The following KNTC1 variants were observed in gnomAD, a reference collection of about 807,000 sequenced individuals.
KNTC1 encodes the protein kinetochore associated 1.
KNTC1 carries 253 observed loss-of-function variants against 314.4 expected under a neutral mutation model. The ratio of observed to expected loss-of-function variants is 0.80; its 90% CI spans 0.73 to 0.89. KNTC1 has a LOEUF of 0.89. Among genes scored for constraint, KNTC1 ranks in the 40% least tolerant of loss-of-function variants. The pLI is 0.00. For missense variants in KNTC1, 2,475 were observed against 2,572.9 expected (o/e 0.96, Z 0.82); for synonymous variants, 901 against 901.4 (o/e 1.00, Z 0.01).
intron 44 of KNTC1, among the ~76,000 whole-genome samples, chr12:122,600,096 T>C (rs1036006628): frequency 1.3e-5 from 2 of 152,014 alleles, no homozygotes; most frequent in East Asian, 1.9e-4. Flanking sequence ...TTTGTTTTTG[T>C]TTTTGTTGTT....
chr12:122,557,761 C>T (rs1471710930), intron 18 of KNTC1, 72 bp downstream of exon 18: 5 of 1,032,782 alleles, frequency 4.8e-6, no homozygotes, highest in Non-Finnish European at 7.3e-6. Flanking sequence ...ATAATCCTGC[C>T]TCAAATATAT....
In KNTC1 at chr12:122,532,920, A is replaced by G. The variant is rs1299621187; in HGVS notation, c.130-1744A>G. The stretch of plus-strand genomic sequence containing the variant: ...GCAGTTTAAGGAGCATTTCCTTAAG[A>G]AACTATGTGTGAGCCCGGTGTGGTG... On this transcript the variant is annotated intron_variant, in intron 2 of 63. Coordinates refer to ENST00000333479, the MANE Select transcript of KNTC1 (RefSeq NM_014708.6). 2.0e-5 allele frequency among the ~76,000 whole-genome samples: 3 copies of G among 152,194 alleles called. No individual in the cohort carries two copies. In the South Asian group the frequency reaches 6.2e-4, roughly 32 times the overall value.
At chr12:122,609,016 G>A (rs190688755) in intron 51 of KNTC1, among the ~76,000 whole-genome samples, 1 of 152,228 alleles carries the variant, frequency 6.6e-6, no homozygotes, top group East Asian at 1.9e-4. Context: ...CCGTGGTTGT[G>A]CCACTGTACT....
At chr12:122,543,687 T>C in intron 7 of KNTC1, 53 bp downstream of exon 7, 1 of 1,059,158 alleles carries the variant, frequency 9.4e-7, no homozygotes, top group Non-Finnish European at 1.4e-6. Flanking sequence ...TTAATATTAA[T>C]GTAGTAGAAT....
chr12:122,557,645 A>C lies in KNTC1; in HGVS notation c.1444A>C (p.Thr482Pro). The C allele has an allele frequency of 6.2e-7, 1 of 1,613,488 alleles. No homozygotes were observed. Among genetic ancestry groups the C allele is most frequent in the South Asian group, 1.1e-5 (1 of 90,988 alleles). The change falls in exon 18 of 64, where the codon ACC becomes CCC. Residue 482 changes from threonine (T) to proline (P), a missense_variant. Physicochemically the swap from Thr to Pro is conservative, Grantham distance 38. Transcript: ENST00000333479. ...VNYCLKAQWI[T>P]YETTQEMLNY... ...TTACTGCCTGAAAGCTCAGTGGATA[A>C]CCTATGAAACCACTCAAGAGATGCT...
intron 62 of KNTC1, 69 bp downstream of exon 62, chr12:122,622,676 C>T (rs1874569300): frequency 3.2e-6 from 4 of 1,258,518 alleles, no homozygotes; most frequent in African/African-American, 3.1e-5. Context: ...AAGCTGGGCA[C>T]GATGGCTCAC....
intron 24 of KNTC1, among the ~76,000 whole-genome samples, chr12:122,571,826 C>T (rs149194967): frequency 9.5e-4 from 144 of 152,024 alleles, no homozygotes; most frequent in African/African-American, 3.4e-3. Context: ...CCCCCCACCA[C>T]GCCTGGCTAA....
intron 59 of KNTC1, 153 bp from the exon 60 acceptor site, chr12:122,620,326 G>A (rs1874287973): frequency 1.7e-6 from 1 of 596,584 alleles, no homozygotes; most frequent in Non-Finnish European, 2.9e-6. Flanking sequence ...AAAGACTTGT[G>A]TTACTCATTC....
At chr12:122,598,090 T>G (rs1168330681) in intron 44 of KNTC1, among the ~76,000 whole-genome samples, 152 bp downstream of exon 44, 1 of 152,246 alleles carries the variant, frequency 6.6e-6, no homozygotes, top group African/African-American at 2.4e-5. Context: ...TTTAACACAG[T>G]TAAATACAAT....
Position 122,589,776 on chromosome 12 carries a change from A to ATTTTTT in KNTC1, c.4000-811_4000-806dup, listed in dbSNP as rs375169727. Among the ~76,000 whole-genome samples the ATTTTTT allele has an allele frequency of 6.6e-4, 62 of 94,584 alleles. 2 individuals carry two copies. Among genetic ancestry groups the ATTTTTT allele is most frequent in the Non-Finnish European group, 8.5e-4 (43 of 50,852 alleles). The allele number at this position is 94,584 out of a possible 152,430, so 62.1% of individuals were successfully genotyped here. A position where few individuals can be genotyped will look rare whatever the true frequency, so the allele number is the denominator to read the frequency against. On this transcript the variant is annotated intron_variant, in intron 40 of 63. Transcript: ENST00000333479. ...CATGATATTGTGCCCGGGCCCCCCAATTTTTTTTTTTTTTTTTTTTTTTTT... is the reference window on the plus strand; with the variant it reads ...CATGATATTGTGCCCGGGCCCCCCAATTTTTTTTTTTTTTTTTTTTTTTTTTTTTTT...
rs1964053525 is a variant in KNTC1 at position 122,562,639 on chromosome 12, T to A, written c.1544T>A (p.Val515Glu). 6.3e-7 allele frequency: 1 copy of A among 1,575,998 alleles called. No homozygotes were observed. Among genetic ancestry groups the A allele is most frequent in the Non-Finnish European group, 8.7e-7 (1 of 1,146,370 alleles). ...ATTATTAAATTATTTTTTCTTCAGG[T>A]GCTAAGAGCTCATGCAAAATTGACT... ...ALIYSDGLKE[V>E]LRAHAKLTTF... is the part of the protein sequence containing the mutation. Residue 515 changes from valine (V) to glutamate (E), a missense_variant and splice_region_variant, in exon 20 of 64, where the codon GTG becomes GAG. Transcript: ENST00000333479.
chr12:122,621,667 T>G (rs888746099), intron 60 of KNTC1, among the ~76,000 whole-genome samples: 7 of 152,224 alleles, frequency 4.6e-5, no homozygotes, highest in African/African-American at 1.7e-4. Context: ...TCATTTGGCT[T>G]ATTAATTACA....
At chr12:122,534,601 G>T in intron 2 of KNTC1, 63 bp from the exon 3 acceptor site, 1 of 1,449,410 alleles carries the variant, frequency 6.9e-7, no homozygotes, top group South Asian at 1.2e-5. Context: ...TGATACTATT[G>T]ATAAGTATTA....
At chr12:122,616,830 A>G (rs1035175415) in intron 57 of KNTC1, among the ~76,000 whole-genome samples, 1 of 152,144 alleles carries the variant, frequency 6.6e-6, no homozygotes, top group Non-Finnish European at 1.5e-5. Context: ...ACCATTATCT[A>G]ATTCCAGAAC....
intron 30 of KNTC1, 134 bp from the exon 31 acceptor site, chr12:122,577,535 GATT>G: frequency 3.3e-6 from 3 of 916,598 alleles, no homozygotes; most frequent in Non-Finnish European, 3.1e-6. Flanking sequence ...TGGATTTTCG[GATT>G]ATTAAAACAT....
chr12:122,566,702 C>G (rs959294370), intron 20 of KNTC1, among the ~76,000 whole-genome samples: 1 of 151,672 alleles, frequency 6.6e-6, no homozygotes, highest in South Asian at 2.1e-4. Flanking sequence ...AGCCACTGCA[C>G]CCAGCCAACT....
intron 20 of KNTC1, among the ~76,000 whole-genome samples, chr12:122,566,993 C>A (rs924672905): frequency 6.6e-6 from 1 of 151,706 alleles, no homozygotes; most frequent in Admixed American, 6.6e-5. Flanking sequence ...GCTTGGCCAC[C>A]GAAAGTGCTG....
chr12:122,579,861 G>C (rs373315116), intron 31 of KNTC1, 44 bp from the exon 32 acceptor site: 3 of 1,374,076 alleles, frequency 2.2e-6, no homozygotes, highest in Non-Finnish European at 3.1e-6. Flanking sequence ...GAAGTGGTCA[G>C]AAAAGGAAGT....
intron 57 of KNTC1, among the ~76,000 whole-genome samples, chr12:122,616,250 G>T (rs889063658): frequency 3.3e-5 from 5 of 151,078 alleles, no homozygotes; most frequent in African/African-American, 7.3e-5. Flanking sequence ...AATTTCCTAT[G>T]TATTCTAGAG....
Sources: allele counts gnomAD v4.1 joint callset (sites outside exome capture counted in the v4.1 genomes callset), GRCh38; gene constraint gnomAD v4.1.1; transcripts MANE v1.5; gene names NCBI Gene and HGNC (gene_info 2026-07-23, HGNC 2026-07-21).